Variants in NFIB observed in about 807,000 individuals in gnomAD.
NFIB encodes nuclear factor 1 B-type.
In NFIB, 11 loss-of-function variants were observed where a neutral mutation model predicts 61.5. The ratio of observed to expected loss-of-function variants is 0.18; its 90% confidence interval spans 0.11 to 0.30. The LOEUF is 0.30. NFIB is among the 10% of genes least tolerant of loss of function. NFIB has a pLI of 1.00. For synonymous variants in NFIB, 260 were observed against 216.5 expected (o/e 1.20, Z -1.76); for missense variants, 471 against 608.9 (o/e 0.77, Z 2.38).
At chr9:14,511,183 C>T in the NFIB span, among the ~76,000 whole-genome samples, 2 of 152,062 alleles carry the variant, frequency 1.3e-5, no homozygotes, top group South Asian at 4.1e-4. Context: ...TGAATGTTTA[C>T]CAATTTTATA....
chr9:14,134,555 A>C (rs948200374), intron 6 of NFIB, among the ~76,000 whole-genome samples: 1 of 152,156 alleles, frequency 6.6e-6, no homozygotes, highest in South Asian at 2.1e-4. Flanking sequence ...TAGATATTTA[A>C]AATTCTATGG....
At chr9:14,238,778 C>G (rs1005336944) in intron 2 of NFIB, among the ~76,000 whole-genome samples, 1 of 152,098 alleles carries the variant, frequency 6.6e-6, no homozygotes, top group Non-Finnish European at 1.5e-5. Context: ...TCTCTTGCCA[C>G]AGGGGGAAAA....
At position 14,314,139 on chromosome 9, in the gene NFIB, T is replaced by C. The variant is rs945981799; in HGVS notation, c.-628A>G. The C allele has an allele frequency of 1.0e-6, 1 of 959,798 alleles. No individual in the cohort carries two copies. Among genetic ancestry groups the C allele is most frequent in the Non-Finnish European group, 1.2e-6 (1 of 822,378 alleles). 59.5% of individuals were successfully genotyped at this position (959,798 alleles called of 1,614,324 possible). The stretch of plus-strand genomic sequence containing the variant: ...GTGCGCGAGGGGCAGCGTGAGCGAG[T>C]GCGCGCGGGTGGCGGGGCGCGCGCG... On this transcript the variant is annotated 5_prime_UTR_variant, in exon 1 of 11. Coordinates refer to ENST00000380953, the MANE Select transcript of NFIB (RefSeq NM_001190737.2).
chr9:14,232,081 T>G (rs897089091), intron 2 of NFIB, among the ~76,000 whole-genome samples: 1 of 152,152 alleles, frequency 6.6e-6, no homozygotes, highest in Non-Finnish European at 1.5e-5. Flanking sequence ...TTACTCTAGT[T>G]TTTTGTTGTT....
Position 14,216,532 on chromosome 9 carries a change from CTCTCTCTCTCCCTCTGTGTGTG to C in NFIB, c.563-36774_563-36753del, listed in dbSNP as rs1308662681. On this transcript the variant is annotated intron_variant, in intron 2 of 10. Transcript: ENST00000380953. ...TCTCTCTCTCTCTCTCTCTCTCTCT[CTCTCTCTCTCCCTCTGTGTGTG>C]TGTGTGTGTGTGTGTGTGTGTGTGT... 9.8e-4 allele frequency among the ~76,000 whole-genome samples: 38 copies of C among 38,846 alleles called. 1 individual carries two copies. Among genetic ancestry groups the C allele is most frequent in the African/African-American group, 4.4e-3 (34 of 7,790 alleles). 25.5% of individuals were successfully genotyped at this position (38,846 alleles called of 152,430 possible). A position where few individuals can be genotyped will look rare whatever the true frequency, so the allele number is the denominator to read the frequency against.
chr9:14,388,524 A>G (rs1333019074), intron 1 of NFIB, among the ~76,000 whole-genome samples: 1 of 151,650 alleles, frequency 6.6e-6, no homozygotes, highest in Non-Finnish European at 1.5e-5. Flanking sequence ...AGGGAGGGAG[A>G]GAGGGAAGGG....
At chr9:14,332,876 A>G (rs566549892) in intron 1 of NFIB, among the ~76,000 whole-genome samples, 83 of 152,328 alleles carry the variant, frequency 5.4e-4, no homozygotes, top group African/African-American at 1.9e-3. Flanking sequence ...TTCTGAGGCC[A>G]TGAGCTTGCC....
At chr9:14,105,352 C>T (rs1350324091) in intron 10 of NFIB, among the ~76,000 whole-genome samples, 2 of 151,990 alleles carry the variant, frequency 1.3e-5, no homozygotes, top group African/African-American at 4.8e-5. Context: ...AATAAATTGG[C>T]AATATATTAA....
chr9:14,092,585 G>C (rs2034103406), intron 10 of NFIB, among the ~76,000 whole-genome samples: 1 of 152,050 alleles, frequency 6.6e-6, no homozygotes, highest in Admixed American at 6.6e-5. Flanking sequence ...GAACAGAGTG[G>C]TCTGAAGGCA....
intron 3 of NFIB, among the ~76,000 whole-genome samples, chr9:14,169,628 C>G (rs747714997): frequency 3.3e-5 from 5 of 152,170 alleles, no homozygotes; most frequent in African/African-American, 7.2e-5. Flanking sequence ...CAAGACCAGC[C>G]TGGCCAACAT....
rs535935586 is a variant in NFIB at position 14,391,662 on chromosome 9, C to T, written c.108+6862G>A. 3.5e-4 allele frequency among the ~76,000 whole-genome samples: 54 copies of T among 152,160 alleles called. No individual in the cohort carries two copies. The Middle Eastern group carries it at 0.014, about 38-fold the overall frequency. On this transcript the variant is annotated intron_variant, in intron 1 of 8. Transcript: ENST00000380934. ...CAGTAAACACACTGTGCATGTGGCC[C>T]CTCCAAAGTGCTGACAGGCCACTGT...
the NFIB span, among the ~76,000 whole-genome samples, chr9:14,404,701 C>T: frequency 6.6e-6 from 1 of 152,168 alleles, no homozygotes; most frequent in Non-Finnish European, 1.5e-5. Context: ...TACAAATCTG[C>T]TTTGGGCTTT....
At chr9:14,143,222 TAATATGCTAAA>T (rs1193655888) in intron 6 of NFIB, among the ~76,000 whole-genome samples, 1 of 152,154 alleles carries the variant, frequency 6.6e-6, no homozygotes, top group Non-Finnish European at 1.5e-5. Flanking sequence ...TTTATTATTG[TAATATGCTAAA>T]AATACTTTTT....
intron 2 of NFIB, among the ~76,000 whole-genome samples, chr9:14,252,975 G>C (rs2055822478): frequency 7.0e-6 from 1 of 143,492 alleles, no homozygotes; most frequent in Admixed American, 7.0e-5. Context: ...GGAAGGGAGG[G>C]AGGGAGGGAG....
chr9:14,131,188 G>A (rs2040360329), intron 6 of NFIB, among the ~76,000 whole-genome samples: 1 of 152,096 alleles, frequency 6.6e-6, no homozygotes, highest in Admixed American at 6.5e-5. Flanking sequence ...TGGAAAATTA[G>A]CTATGACTTT....
intron 1 of NFIB, among the ~76,000 whole-genome samples, chr9:14,353,615 A>T (rs1564026739): frequency 6.6e-6 from 1 of 152,152 alleles, no homozygotes. Flanking sequence ...GTCTGGCTTC[A>T]TTCTTCAATA....
the NFIB span, among the ~76,000 whole-genome samples, chr9:14,531,124 C>T: frequency 2.6e-5 from 4 of 152,056 alleles, no homozygotes. Flanking sequence ...TTTTCTTTCC[C>T]CAAACTACTA....
chr9:14,147,895 GCC>G (rs1331695464), intron 5 of NFIB, among the ~76,000 whole-genome samples: 2 of 151,996 alleles, frequency 1.3e-5, no homozygotes, highest in Non-Finnish European at 2.9e-5. Context: ...TCCCACTTCA[GCC>G]TCCCAAAGTG....
intron 1 of NFIB, among the ~76,000 whole-genome samples, chr9:14,359,259 T>G (rs1373564465): frequency 6.6e-6 from 1 of 152,248 alleles, no homozygotes; most frequent in Non-Finnish European, 1.5e-5. Context: ...AAAAGGCCTT[T>G]GCACGTGTGA....
Sources: gnomAD v4.1 joint callset for allele counts (sites outside exome capture counted in the v4.1 genomes callset) on GRCh38, gnomAD v4.1.1 for gene constraint, MANE v1.5 for transcripts, NCBI Gene and HGNC (gene_info 2026-07-23, HGNC 2026-07-21) for gene names.